The following STXBP5L variants were observed in gnomAD, a reference collection of about 807,000 sequenced individuals.
STXBP5L encodes syntaxin binding protein 5L.
STXBP5L carries 65 observed loss-of-function variants against 144.5 expected under a neutral mutation model. The ratio of observed to expected loss-of-function variants is 0.45; its 90% confidence interval spans 0.37 to 0.55. STXBP5L has a LOEUF of 0.55. Ranked by LOEUF, STXBP5L falls within the 20% of genes least tolerant of loss-of-function variation. The pLI is 0.00. For synonymous variants in STXBP5L, 505 were observed against 469.6 expected (o/e 1.08, Z -0.97); for missense variants, 1,298 against 1,405.5 (o/e 0.92, Z 1.22).
chr3:121,343,521 C>G (rs2044818516), intron 20 of STXBP5L, among the ~76,000 whole-genome samples: 5 of 152,086 alleles, frequency 3.3e-5, no homozygotes, highest in Admixed American at 3.3e-4. Flanking sequence ...CCCAAAATCT[C>G]CTTAAGCTGA....
intron 8 of STXBP5L, among the ~76,000 whole-genome samples, chr3:121,153,612 T>C (rs2046008443): frequency 6.6e-6 from 1 of 151,806 alleles, no homozygotes; most frequent in Non-Finnish European, 1.5e-5. Context: ...TTCTCTCCCA[T>C]CCCCCTCATA....
At chr3:121,201,599 C>T (rs1302782336) in intron 9 of STXBP5L, among the ~76,000 whole-genome samples, 1 of 150,996 alleles carries the variant, frequency 6.6e-6, no homozygotes, top group Non-Finnish European at 1.5e-5. Flanking sequence ...GCAGTTTCTT[C>T]ACAGTGTCAT....
chr3:121,097,049 G>A (rs532852973), intron 5 of STXBP5L, among the ~76,000 whole-genome samples: 84 of 152,280 alleles, frequency 5.5e-4, no homozygotes, highest in Middle Eastern at 3.4e-3. Flanking sequence ...TGCCCGGAGA[G>A]GAGAAATGTG....
intron 11 of STXBP5L, among the ~76,000 whole-genome samples, chr3:121,230,792 T>G (rs2108309239): frequency 6.6e-6 from 1 of 152,304 alleles, no homozygotes; most frequent in East Asian, 1.9e-4. Context: ...TCAAACTTCG[T>G]CACTGTTAAA....
At chr3:121,298,469 C>A (rs1018271566) in intron 19 of STXBP5L, among the ~76,000 whole-genome samples, 2 of 152,092 alleles carry the variant, frequency 1.3e-5, no homozygotes, top group Non-Finnish European at 2.9e-5. Flanking sequence ...GGCAAAAATA[C>A]GTAAGTGATA....
chr3:121,267,838 A>C (rs1271373060), intron 18 of STXBP5L, among the ~76,000 whole-genome samples: 1 of 152,254 alleles, frequency 6.6e-6, no homozygotes, highest in Admixed American at 6.5e-5. Context: ...AGAGAAATGC[A>C]AATTAAAATC....
intron 18 of STXBP5L, among the ~76,000 whole-genome samples, chr3:121,265,274 T>C (rs1187978025): frequency 6.6e-6 from 1 of 152,136 alleles, no homozygotes; most frequent in Non-Finnish European, 1.5e-5. Flanking sequence ...ATAAACAGTC[T>C]CTCAGACCAC....
At chr3:121,038,381 A>G (rs573184751) in intron 3 of STXBP5L, among the ~76,000 whole-genome samples, 3 of 152,018 alleles carry the variant, frequency 2.0e-5, no homozygotes, top group Non-Finnish European at 4.4e-5. Context: ...CTTATTTAGT[A>G]GTTTATAATT....
rs750746920 is a variant in STXBP5L at position 121,422,360 on chromosome 3, C to A, written c.*3263C>A. On this transcript the variant is annotated 3_prime_UTR_variant, in exon 27 of 27. Transcript: ENST00000471454. The stretch of plus-strand genomic sequence containing the variant: ...TAAGGCTTGCAAACCACAGTCCCAA[C>A]AAGTTGACCTTGTCTCCCTATGATT... 1 of 152,180 alleles carries A rather than the reference C, an allele frequency of 6.6e-6. No homozygotes were observed. The highest frequency in any genetic ancestry group is 2.4e-5 in the African/African-American group (1 of 41,450). The allele number at this position is 152,180 out of a possible 1,614,324, so 9.4% of individuals were successfully genotyped here.
chr3:120,976,874 C>G (rs1313605541), intron 3 of STXBP5L, among the ~76,000 whole-genome samples: 2 of 151,998 alleles, frequency 1.3e-5, no homozygotes, highest in Non-Finnish European at 2.9e-5. Context: ...TTTCTTAACC[C>G]TGAGTTTTAG....
At chr3:121,391,936 A>G (rs1291434590) in intron 22 of STXBP5L, among the ~76,000 whole-genome samples, 1 of 152,206 alleles carries the variant, frequency 6.6e-6, no homozygotes, top group Non-Finnish European at 1.5e-5. Flanking sequence ...TGCTCTCTTC[A>G]GAGCTATCAG....
intron 22 of STXBP5L, among the ~76,000 whole-genome samples, chr3:121,398,208 G>C (rs1441635863): frequency 6.6e-6 from 1 of 152,208 alleles, no homozygotes; most frequent in African/African-American, 2.4e-5. Context: ...AGTGACTCCT[G>C]TATGTATTTG....
intron 7 of STXBP5L, among the ~76,000 whole-genome samples, chr3:121,146,365 T>C (rs2107962415): frequency 6.6e-6 from 1 of 152,140 alleles, no homozygotes; most frequent in South Asian, 2.1e-4. Context: ...ATAATAAATG[T>C]ATGTATAATG....
chr3:121,074,734 T>A (rs1426342196), intron 5 of STXBP5L, among the ~76,000 whole-genome samples: 1 of 152,204 alleles, frequency 6.6e-6, no homozygotes, highest in Non-Finnish European at 1.5e-5. Context: ...TTATCATGCC[T>A]TTTCTTTGAC....
At chr3:121,160,403 T>G (rs1187010437) in intron 9 of STXBP5L, among the ~76,000 whole-genome samples, 3 of 151,886 alleles carry the variant, frequency 2.0e-5, no homozygotes, top group African/African-American at 7.3e-5. Context: ...AGAAAAAAAA[T>G]TAAAAATACA....
At chr3:121,265,324 C>A (rs775476668) in intron 18 of STXBP5L, among the ~76,000 whole-genome samples, 10 of 152,164 alleles carry the variant, frequency 6.6e-5, no homozygotes, top group Non-Finnish European at 1.3e-4. Flanking sequence ...GAAACTCACT[C>A]AAAACCATGC....
At chr3:121,116,863 A>G (rs1007357510) in intron 6 of STXBP5L, among the ~76,000 whole-genome samples, 1 of 152,028 alleles carries the variant, frequency 6.6e-6, no homozygotes, top group Non-Finnish European at 1.5e-5. Flanking sequence ...ATACAGGCTT[A>G]GATGAACAAG....
intron 20 of STXBP5L, among the ~76,000 whole-genome samples, chr3:121,363,752 G>T (rs1476927776): frequency 6.6e-6 from 1 of 151,146 alleles, no homozygotes; most frequent in Non-Finnish European, 1.5e-5. Flanking sequence ...ATGAAGGTGG[G>T]TTTTTTTTTC....
At chr3:121,018,523 C>CAAAAAAAAAA (rs139946627) in intron 3 of STXBP5L, among the ~76,000 whole-genome samples, 1 of 101,934 alleles carries the variant, frequency 9.8e-6, no homozygotes, top group Non-Finnish European at 2.0e-5. Context: ...ATCCATATAC[C>CAAAAAAAAAA]AAAAAAAAAA....
Sources: gnomAD v4.1 joint callset for allele counts (sites outside exome capture counted in the v4.1 genomes callset) on GRCh38, gnomAD v4.1.1 for gene constraint, MANE v1.5 for transcripts, NCBI Gene and HGNC (gene_info 2026-07-23, HGNC 2026-07-21) for gene names.